IL36B: variants seen among roughly 807,000 people sequenced by gnomAD.
IL36B encodes the protein interleukin-36 beta.
Under a neutral mutation model 19.3 loss-of-function variants are expected in IL36B, and 23 were observed. The ratio of observed to expected loss-of-function variants is 1.19; its 90% CI spans 0.86 to 1.69. The LOEUF is 1.69. Among genes scored for constraint, IL36B ranks in the 40% most tolerant of loss-of-function variants. The pLI, the probability that IL36B is intolerant of heterozygous loss-of-function variation, is 0.00. For synonymous variants in IL36B, 59 were observed against 59.7 expected, an observed-to-expected ratio of 0.99 and a Z score of 0.05; for missense variants, 217 against 200.5, an observed-to-expected ratio of 1.08 and a Z score of -0.50.
intron 1 of IL36B, among the ~76,000 whole-genome samples, chr2:113,033,318 G>A (rs1189028975): frequency 2.6e-5 from 4 of 152,020 alleles, no homozygotes; most frequent in South Asian, 2.1e-4. Flanking sequence ...GGAAACTTCC[G>A]CCTCTCAGGT....
intron 4 of IL36B, chr2:113,026,350 G>T (rs1684962098): frequency 1.4e-6 from 2 of 1,478,570 alleles, no homozygotes; most frequent in South Asian, 1.3e-5. Flanking sequence ...TGTAAGGTGG[G>T]GTTCAGGAGT....
In IL36B at chr2:113,022,543, G is replaced by A. The variant is rs1464175645; in HGVS notation, c.*131C>T. On this transcript the variant is annotated 3_prime_UTR_variant, in exon 6 of 6. Coordinates refer to ENST00000259213, the MANE Select transcript of IL36B (RefSeq NM_014438.5). ...TACCAACTCTTTAAAAATACATAGT[G>A]TCCTTGTTTTACAAACTCTCCAGAA... 1.6e-6 allele frequency: 1 copy of A among 616,774 alleles called. No homozygotes were observed. Among genetic ancestry groups the A allele is most frequent in the Non-Finnish European group, 2.9e-6 (1 of 345,874 alleles). 38.2% of individuals were successfully genotyped at this position (616,774 alleles called of 1,614,324 possible). A position where few individuals can be genotyped will look rare whatever the true frequency, so the allele number is the denominator to read the frequency against.
chr2:113,052,709 G>A (rs1992761), intron 1 of IL36B, 108 bp downstream of exon 1: 14,250 of 152,284 alleles, frequency 0.094, 814 homozygotes, highest in African/African-American at 0.14. Flanking sequence ...TTCTCTCTGC[G>A]TTGGGAAAGC....
At chr2:113,042,582 C>T (rs1685278695) in intron 1 of IL36B, among the ~76,000 whole-genome samples, 1 of 152,128 alleles carries the variant, frequency 6.6e-6, no homozygotes, top group African/African-American at 2.4e-5. Context: ...AAAGGGGATC[C>T]CCCAGTATAT....
rs749087744 is a variant in IL36B at position 113,022,705 on chromosome 2, C to T, written c.464G>A (p.Arg155Gln). The T allele has an allele frequency of 2.2e-5, 35 of 1,611,662 alleles. No individual in the cohort carries two copies. The highest frequency in any genetic ancestry group is 2.8e-5 in the Non-Finnish European group (33 of 1,178,002). Residue 155 changes from arginine to glutamine, a missense_variant, in exon 6 of 6, where the codon CGG becomes CAG. Coordinates refer to ENST00000259213, the MANE Select transcript of IL36B (RefSeq NM_014438.5). Reference sequence around the variant, plus strand: ...CCTTCCTGGCATTCCTATGTTGGTCCGCATGGATGAGAAATCTTTGTCCTT... The same window carrying T: ...CCTTCCTGGCATTCCTATGTTGGTCTGCATGGATGAGAAATCTTTGTCCTT...
chr2:113,031,720 G>A lies in IL36B; in HGVS notation c.-11C>T, dbSNP rs749809946. The A allele has an allele frequency of 2.5e-6, 4 of 1,607,988 alleles. No homozygotes were observed. In the Admixed American group the frequency reaches 6.7e-5, roughly 27 times the overall value. ...ACGTTGTGGGTTCATGATGTCTTCA[G>A]AGCCTTTTGTGAAGAGAACAAGATA... On this transcript the variant is annotated 5_prime_UTR_variant, in exon 2 of 6. Coordinates refer to ENST00000259213, the MANE Select transcript of IL36B (RefSeq NM_014438.5).
intron 4 of IL36B, chr2:113,027,783 T>A (rs1447957861): frequency 6.8e-7 from 1 of 1,477,846 alleles, no homozygotes; most frequent in Non-Finnish European, 9.0e-7. Flanking sequence ...ATAGTAAGAA[T>A]GAGGTAAGCT....
At chr2:113,026,712 C>A (rs35377570) in intron 4 of IL36B, among the ~76,000 whole-genome samples, 1 of 152,100 alleles carries the variant, frequency 6.6e-6, no homozygotes, top group Non-Finnish European at 1.5e-5. Flanking sequence ...TGTACACTAA[C>A]AAAATTCCAG....
intron 1 of IL36B, among the ~76,000 whole-genome samples, chr2:113,035,529 A>T (rs1488927392): frequency 6.6e-6 from 1 of 152,172 alleles, no homozygotes; most frequent in Non-Finnish European, 1.5e-5. Context: ...TAGCAACAAG[A>T]AAGTTGTGAA....
At chr2:113,052,545 GA>G (rs1685467168) in intron 1 of IL36B, among the ~76,000 whole-genome samples, 1 of 152,210 alleles carries the variant, frequency 6.6e-6, no homozygotes, top group Non-Finnish European at 1.5e-5. Flanking sequence ...ACTGATGTGG[GA>G]ATGAGGCAAC....
At chr2:113,043,523 C>A (rs1183979386) in intron 1 of IL36B, among the ~76,000 whole-genome samples, 2 of 152,068 alleles carry the variant, frequency 1.3e-5, no homozygotes, top group African/African-American at 2.4e-5. Flanking sequence ...GATTTGTCAC[C>A]ATTTGTTGAA....
chr2:113,038,898 T>C (rs1263090619), intron 1 of IL36B, among the ~76,000 whole-genome samples: 1 of 152,204 alleles, frequency 6.6e-6, no homozygotes, highest in Non-Finnish European at 1.5e-5. Flanking sequence ...TCTCCATCTA[T>C]GCTTGTTTTA....
intron 4 of IL36B, among the ~76,000 whole-genome samples, chr2:113,026,507 G>A (rs1006080040): frequency 1.3e-4 from 20 of 152,180 alleles, no homozygotes; most frequent in Admixed American, 9.2e-4. Flanking sequence ...CATGTGCAAA[G>A]AAGGACAAGT....
intron 3 of IL36B, among the ~76,000 whole-genome samples, chr2:113,030,343 A>G (rs1043179443): frequency 1.1e-4 from 17 of 152,116 alleles, no homozygotes; most frequent in African/African-American, 4.1e-4. Context: ...GGGTTTGAGT[A>G]TTTGAAGGTC....
chr2:113,022,633 A>G lies in IL36B; in HGVS notation c.*41T>C, dbSNP rs1385141571. The G allele has an allele frequency of 8.0e-7, 1 of 1,252,324 alleles. No individual in the cohort carries two copies. Among genetic ancestry groups the G allele is most frequent in the African/African-American group, 1.5e-5 (1 of 67,706 alleles). 77.6% of individuals were successfully genotyped at this position (1,252,324 alleles called of 1,614,324 possible). A position where few individuals can be genotyped will look rare whatever the true frequency, so the allele number is the denominator to read the frequency against. On this transcript the variant is annotated 3_prime_UTR_variant, in exon 6 of 6. Transcript: ENST00000259213. ...GTAGCATTTCATTGATAGCAAACCC[A>G]CTCAAAGATTGTAGAGATGGGAATC...
At chr2:113,042,271 C>G (rs1208387885) in intron 1 of IL36B, among the ~76,000 whole-genome samples, 1 of 152,098 alleles carries the variant, frequency 6.6e-6, no homozygotes, top group Non-Finnish European at 1.5e-5. Flanking sequence ...CCTAGAATGC[C>G]TAAGCTAGCT....
At chr2:113,038,907 T>C (rs7606584) in intron 1 of IL36B, among the ~76,000 whole-genome samples, 7,946 of 152,250 alleles carry the variant, frequency 0.052, 688 homozygotes, top group African/African-American at 0.18. Context: ...ATGCTTGTTT[T>C]AGGTGATGGG....
intron 4 of IL36B, among the ~76,000 whole-genome samples, chr2:113,026,591 A>G (rs1013554693): frequency 2.6e-5 from 4 of 152,236 alleles, no homozygotes; most frequent in Admixed American, 1.3e-4. Context: ...TGCAGTATAC[A>G]TGTACTTGGT....
At chr2:113,023,996 T>C (rs148702153) in intron 5 of IL36B, among the ~76,000 whole-genome samples, 12 of 152,332 alleles carry the variant, frequency 7.9e-5, no homozygotes, top group Non-Finnish European at 1.3e-4. Flanking sequence ...GAAACTGAAG[T>C]GGAGGGAAGG....
Sources: allele counts gnomAD v4.1 joint callset (sites outside exome capture counted in the v4.1 genomes callset), GRCh38; gene constraint gnomAD v4.1.1; transcripts MANE v1.5; gene names NCBI Gene and HGNC (gene_info 2026-07-23, HGNC 2026-07-21).